Variants in DSE observed in about 807,000 individuals in gnomAD.
DSE encodes dermatan-sulfate epimerase.
Under a neutral mutation model 84.4 loss-of-function variants are expected in DSE, and 36 were observed. The ratio of observed to expected loss-of-function variants is 0.43; its 90% CI spans 0.33 to 0.56. DSE has a LOEUF of 0.56. Among genes scored for constraint, DSE ranks in the 20% least tolerant of loss-of-function variants. The pLI, the probability that DSE is intolerant of heterozygous loss-of-function variation, is 0.06. For synonymous variants in DSE, 410 were observed against 430.1 expected (o/e 0.95, Z 0.58); for missense variants, 862 against 1,169.6 (o/e 0.74, Z 3.84).
At chr6:116,331,516 C>T (rs1776932173) in intron 2 of DSE, among the ~76,000 whole-genome samples, 1 of 152,118 alleles carries the variant, frequency 6.6e-6, no homozygotes, top group Non-Finnish European at 1.5e-5. Flanking sequence ...CACGAGGTAA[C>T]CCCCCAATAT....
intron 1 of DSE, among the ~76,000 whole-genome samples, chr6:116,371,407 G>T (rs1389962044): frequency 6.6e-6 from 1 of 152,222 alleles, no homozygotes; most frequent in East Asian, 1.9e-4. Flanking sequence ...CGAGCACCGA[G>T]CCGGGAACAC....
intron 2 of DSE, among the ~76,000 whole-genome samples, chr6:116,324,134 G>T (rs527286046): frequency 1.3e-5 from 2 of 152,112 alleles, no homozygotes; most frequent in Non-Finnish European, 2.9e-5. Flanking sequence ...GGCTTTCTTC[G>T]TATTAACATG....
At chr6:116,347,868 T>C in intron 2 of DSE, among the ~76,000 whole-genome samples, 1 of 152,134 alleles carries the variant, frequency 6.6e-6, no homozygotes, top group East Asian at 1.9e-4. Flanking sequence ...ACCTACACAA[T>C]GGGAGAAAAT....
In DSE at chr6:116,398,099, G is replaced by A. The variant is rs114716963; in HGVS notation, c.-53-1099G>A. Among the ~76,000 whole-genome samples the A allele has an allele frequency of 4.1e-3, 629 of 152,154 alleles. 6 individuals are homozygous for A. The highest frequency in any genetic ancestry group is 7.1e-3 in the Non-Finnish European group (481 of 67,992). On this transcript the variant is annotated intron_variant, in intron 1 of 5. Transcript: ENST00000644252. The stretch of plus-strand genomic sequence containing the variant: ...CTTTAATAATTGAAAACCACTGTTC[G>A]TTATTTACATAAAACTGTCTTTTTC...
intron 2 of DSE, among the ~76,000 whole-genome samples, chr6:116,334,504 C>T (rs1562236849): frequency 6.6e-6 from 1 of 152,168 alleles, no homozygotes; most frequent in Non-Finnish European, 1.5e-5. Context: ...TGTCTGCTCA[C>T]TCTTAATAGT....
intron 2 of DSE, among the ~76,000 whole-genome samples, chr6:116,334,620 T>C (rs1777135564): frequency 6.6e-6 from 1 of 152,210 alleles, no homozygotes; most frequent in Non-Finnish European, 1.5e-5. Flanking sequence ...CAGAATGGTA[T>C]TGCCTAGGTT....
chr6:116,298,496 C>T lies in DSE; in HGVS notation c.-54+39529C>T, dbSNP rs563830751. On this transcript the variant is annotated intron_variant, in intron 2 of 3. Coordinates refer to the DSE transcript ENST00000430252. Reference sequence around the variant, plus strand: ...CAGAGGACGGGGCCACTAGCCAAGGCATGTGGGCAGCATCTAGAAGCTAGA... The same window carrying T: ...CAGAGGACGGGGCCACTAGCCAAGGTATGTGGGCAGCATCTAGAAGCTAGA... Among the ~76,000 whole-genome samples, 3 of 152,274 alleles carry T rather than the reference C, an allele frequency of 2.0e-5. No individual in the cohort carries two copies. The South Asian group carries it at 6.2e-4, about 32-fold the overall frequency.
At chr6:116,366,699 T>G (rs1779182652), upstream of DSE, 1 of 152,190 alleles carries the variant, frequency 6.6e-6, no homozygotes, top group South Asian at 2.1e-4. Context: ...ACACAAAAAG[T>G]TAGTCTAGGC....
At chr6:116,318,392 G>A (rs2114752529) in intron 2 of DSE, among the ~76,000 whole-genome samples, 1 of 152,270 alleles carries the variant, frequency 6.6e-6, no homozygotes, top group Non-Finnish European at 1.5e-5. Context: ...TGTAGTCCCA[G>A]CTACTTGGGA....
chr6:116,279,825 G>A, intron 2 of DSE: 6 of 1,613,052 alleles, frequency 3.7e-6, no homozygotes, highest in Non-Finnish European at 5.1e-6. Flanking sequence ...CATCCAGGCC[G>A]CTCATGTTGC....
intron 2 of DSE, among the ~76,000 whole-genome samples, chr6:116,338,175 C>T (rs6941570): frequency 0.21 from 26,260 of 122,670 alleles, 2,943 homozygotes; most frequent in African/African-American, 0.33. Context: ...CTGTCTCTTT[C>T]TCTTTCTTTC....
At chr6:116,262,522 G>A (rs533608227) in intron 2 of DSE, among the ~76,000 whole-genome samples, 6 of 152,064 alleles carry the variant, frequency 3.9e-5, no homozygotes, top group East Asian at 1.9e-4. Flanking sequence ...ATCTTTATTA[G>A]TCTAGCTAAT....
chr6:116,285,989 G>T (rs1773880341), intron 2 of DSE, among the ~76,000 whole-genome samples: 3 of 152,182 alleles, frequency 2.0e-5, no homozygotes. Context: ...GCTTAGGATT[G>T]TCTTGGCAAT....
chr6:116,345,462 A>T (rs553085835), intron 2 of DSE, among the ~76,000 whole-genome samples: 111 of 152,314 alleles, frequency 7.3e-4, no homozygotes, highest in Non-Finnish European at 1.5e-3. Flanking sequence ...GGATTAAGAA[A>T]CTCACTTAAA....
chr6:116,415,964 A>G (rs1011254552), intron 2 of DSE, among the ~76,000 whole-genome samples: 15 of 152,228 alleles, frequency 9.9e-5, no homozygotes, highest in Admixed American at 3.9e-4. Flanking sequence ...ACACAGGGCT[A>G]AAATCAAGGT....
upstream of DSE, among the ~76,000 whole-genome samples, chr6:116,365,903 G>A (rs746406267): frequency 2.6e-5 from 4 of 152,166 alleles, no homozygotes; most frequent in Non-Finnish European, 5.9e-5. Context: ...TTTTAGCAGG[G>A]TTCTGAGAGG....
At chr6:116,334,123 A>C (rs1415386477) in intron 2 of DSE, among the ~76,000 whole-genome samples, 1 of 152,232 alleles carries the variant, frequency 6.6e-6, no homozygotes, top group African/African-American at 2.4e-5. Flanking sequence ...CCATTAGATT[A>C]TAATATTCTT....
intron 2 of DSE, among the ~76,000 whole-genome samples, chr6:116,272,344 A>G (rs1365282538): frequency 6.6e-6 from 1 of 152,238 alleles, no homozygotes; most frequent in Non-Finnish European, 1.5e-5. Context: ...ATCTTTGGAC[A>G]CTTTAAAAGA....
In DSE at chr6:116,336,561, G is replaced by A. The variant is rs189959610; in HGVS notation, c.-53-62637G>A. On this transcript the variant is annotated intron_variant, in intron 2 of 3. Coordinates refer to the DSE transcript ENST00000430252. ...AGCCAAGGTTGGGAGTTCAAGACCA[G>A]CCTGACCAACATGCAGAAAACCCGT... is the stretch of plus-strand genomic sequence containing the variant. 2.1e-4 allele frequency among the ~76,000 whole-genome samples: 32 copies of A among 152,214 alleles called. No individual in the cohort carries two copies. In the East Asian group the frequency reaches 5.2e-3, roughly 25 times the overall value.
Sources: gnomAD v4.1 joint callset for allele counts (sites outside exome capture counted in the v4.1 genomes callset) on GRCh38, gnomAD v4.1.1 for gene constraint, MANE v1.5 for transcripts, NCBI Gene and HGNC (gene_info 2026-07-23, HGNC 2026-07-21) for gene names.